Variants in LMTK2 observed in about 807,000 individuals in gnomAD.
LMTK2 encodes the protein serine/threonine-protein kinase LMTK2.
LMTK2 carries 37 observed loss-of-function variants against 127.5 expected under a neutral mutation model. The observed-to-expected ratio is 0.29, with a 90% CI of 0.22 to 0.38. The LOEUF (loss-of-function observed/expected upper bound fraction) is 0.38. Ranked by LOEUF, LMTK2 falls within the 10% of genes least tolerant of loss-of-function variation. The probability of loss-of-function intolerance (pLI) is 1.00; values close to 1 mark genes in which losing one functional copy is unlikely to be tolerated. For synonymous variants in LMTK2, 819 were observed against 810.1 expected, an observed-to-expected ratio of 1.01 and a Z score of -0.19; for missense variants, 1,694 against 1,920.3, an observed-to-expected ratio of 0.88 and a Z score of 2.20.
chr7:98,205,049 C>T (rs994910310), intron 13 of LMTK2, among the ~76,000 whole-genome samples: 3 of 152,266 alleles, frequency 2.0e-5, no homozygotes, highest in Non-Finnish European at 2.9e-5. Flanking sequence ...CTTCTTTCCC[C>T]GTCACTAGAT....
At chr7:98,140,622 T>C (rs562243806) in intron 2 of LMTK2, among the ~76,000 whole-genome samples, 1 of 152,318 alleles carries the variant, frequency 6.6e-6, no homozygotes, top group East Asian at 1.9e-4. Flanking sequence ...GAAATAGAAC[T>C]CACTTAAAAA....
intron 11 of LMTK2, 96 bp from the exon 12 acceptor site, chr7:98,203,478 C>T: frequency 4.9e-6 from 7 of 1,440,976 alleles, no homozygotes; most frequent in Non-Finnish European, 6.4e-6. Flanking sequence ...ACTTCTCAGT[C>T]GATGAGTCTG....
chr7:98,136,687 C>T (rs1198348480), intron 1 of LMTK2, among the ~76,000 whole-genome samples: 2 of 152,196 alleles, frequency 1.3e-5, no homozygotes, highest in Non-Finnish European at 2.9e-5. Context: ...GGTCATGCGC[C>T]CTGCTGTGCA....
At chr7:98,167,158 C>G (rs947802085) in intron 6 of LMTK2, among the ~76,000 whole-genome samples, 1 of 152,174 alleles carries the variant, frequency 6.6e-6, no homozygotes, top group African/African-American at 2.4e-5. Context: ...GTTGTCCCAA[C>G]TTTAACCTGT....
rs1037618056 is a variant in LMTK2, at chr7:98,118,967, C to T, written c.103+11687C>T. Among the ~76,000 whole-genome samples, 61 of 152,182 alleles carry T rather than the reference C, an allele frequency of 4.0e-4. 1 individual carries two copies. The highest frequency in any genetic ancestry group is 1.5e-3 in the African/African-American group (61 of 41,508). On this transcript the variant is annotated intron_variant, in intron 1 of 13. Transcript: ENST00000297293. ...ATTAGCCAGGTGTGGTGGCGGGTGC[C>T]TGTAGTCCCAGCTACTCAGGAGGCT... is the stretch of plus-strand genomic sequence containing the variant.
chr7:98,118,835 G>C (rs1175866757), intron 1 of LMTK2, among the ~76,000 whole-genome samples: 1 of 152,212 alleles, frequency 6.6e-6, no homozygotes, highest in East Asian at 1.9e-4. Context: ...GCTCATGCCT[G>C]TAATCCCAAC....
chr7:98,181,653 AT>A (rs1017731770), intron 7 of LMTK2, among the ~76,000 whole-genome samples: 31 of 152,110 alleles, frequency 2.0e-4, no homozygotes, highest in African/African-American at 7.0e-4. Context: ...TGGTCAAATG[AT>A]TTTTTTCTTT....
At chr7:98,174,103 GTA>G (rs147056793) in intron 7 of LMTK2, among the ~76,000 whole-genome samples, 1,731 of 88,390 alleles carry the variant, frequency 0.02, 25 homozygotes, top group African/African-American at 0.034. Context: ...TCATTTTGTT[GTA>G]AAAAAAAAAA....
At chr7:98,170,331 T>C (rs1334714693) in intron 6 of LMTK2, among the ~76,000 whole-genome samples, 1 of 152,214 alleles carries the variant, frequency 6.6e-6, no homozygotes, top group African/African-American at 2.4e-5. Flanking sequence ...AAACTGGGAA[T>C]GGAAACAAAT....
At chr7:98,190,911 G>A (rs372437436) in intron 10 of LMTK2, 34 bp downstream of exon 10, 125 of 1,603,402 alleles carry the variant, frequency 7.8e-5, no homozygotes, top group Non-Finnish European at 1.0e-4. Context: ...GTTCTGTTTC[G>A]TCTTCACTGT....
At chr7:98,164,388 C>G (rs2116409154) in intron 6 of LMTK2, among the ~76,000 whole-genome samples, 1 of 152,350 alleles carries the variant, frequency 6.6e-6, no homozygotes, top group African/African-American at 2.4e-5. Flanking sequence ...AGCCCCGCCC[C>G]TGACTTGCCT....
Position 98,206,964 on chromosome 7 carries a change from G to C in LMTK2, c.*1472G>C, listed in dbSNP as rs756851485. 2.6e-5 allele frequency: 4 copies of C among 152,200 alleles called. No homozygotes were observed. Among genetic ancestry groups the C allele is most frequent in the Non-Finnish European group, 5.9e-5 (4 of 68,090 alleles). 9.4% of individuals were successfully genotyped at this position (152,200 alleles called of 1,614,324 possible). The stretch of plus-strand genomic sequence containing the variant: ...CCCTCCGTTCTGCATTAAGCCCCAG[G>C]TTCTCTTCTGGCTTTGAAAGGGCCC... On this transcript the variant is annotated 3_prime_UTR_variant, in exon 14 of 14. Transcript: ENST00000297293.
intron 6 of LMTK2, among the ~76,000 whole-genome samples, chr7:98,165,482 T>G (rs1215180157): frequency 6.6e-6 from 1 of 152,144 alleles, no homozygotes; most frequent in Non-Finnish European, 1.5e-5. Flanking sequence ...CTAATTTTAT[T>G]CTATTGTTTT....
At chr7:98,134,934 G>C (rs938974485) in intron 1 of LMTK2, among the ~76,000 whole-genome samples, 2 of 152,148 alleles carry the variant, frequency 1.3e-5, no homozygotes, top group Non-Finnish European at 2.9e-5. Flanking sequence ...TAAATGTATG[G>C]GCTTTCCTCT....
chr7:98,200,903 G>T (rs1797695680), intron 11 of LMTK2, among the ~76,000 whole-genome samples: 1 of 152,094 alleles, frequency 6.6e-6, no homozygotes, highest in African/African-American at 2.4e-5. Flanking sequence ...TTGACTCTGA[G>T]GATGTGGAAC....
intron 6 of LMTK2, among the ~76,000 whole-genome samples, chr7:98,164,710 C>T (rs940443111): frequency 7.2e-5 from 11 of 152,078 alleles, no homozygotes; most frequent in African/African-American, 2.2e-4. Context: ...GCCCTGGTGG[C>T]GAGGCCAGCT....
intron 13 of LMTK2, among the ~76,000 whole-genome samples, chr7:98,204,858 T>C (rs777544409): frequency 7.9e-5 from 12 of 152,210 alleles, no homozygotes; most frequent in Non-Finnish European, 1.3e-4. Flanking sequence ...GAGAACCTGC[T>C]CTTCAGCAGG....
At chr7:98,143,491 G>C (rs2116372822) in intron 3 of LMTK2, among the ~76,000 whole-genome samples, 1 of 152,270 alleles carries the variant, frequency 6.6e-6, no homozygotes, top group East Asian at 1.9e-4. Context: ...CACGCTACTA[G>C]AATAAATAAG....
In LMTK2 at chr7:98,193,972, C is replaced by T; in HGVS notation, c.3507C>T (p.His1169=). The change falls in exon 11 of 14, where the codon CAC becomes CAT. Residue 1169 remains histidine, a synonymous_variant. Transcript: ENST00000297293. This position sits in a 1 kb window ranked among gnomAD's most constrained non-coding sequence, Gnocchi z 4.1. ...ATGAAAGTTGTCTGTCTGCTTTGCA[C>T]AACTCCAGTGACCTGGAATTAAGAG... ...QPDESCLSAL[H]NSSDLELRAT... 6.2e-7 allele frequency: 1 copy of T among 1,614,122 alleles called. No homozygotes were observed. Among genetic ancestry groups the T allele is most frequent in the Non-Finnish European group, 8.5e-7 (1 of 1,180,050 alleles).
Sources: gnomAD v4.1 joint callset for allele counts (sites outside exome capture counted in the v4.1 genomes callset) on GRCh38, gnomAD v4.1.1 for gene constraint, Gnocchi (gnomAD v3.1) non-coding constraint, MANE v1.5 for transcripts, NCBI Gene and HGNC (gene_info 2026-07-23, HGNC 2026-07-21) for gene names.